PAM: variants seen among roughly 807,000 people sequenced by gnomAD.
PAM encodes the protein peptidylglycine alpha-amidating monooxygenase.
A neutral mutation model predicts 122.1 loss-of-function variants in PAM; 72 were observed. The observed-to-expected ratio is 0.59, with a 90% CI of 0.49 to 0.72. The LOEUF is 0.72. Ranked by LOEUF, PAM falls within the 30% of genes least tolerant of loss-of-function variation. PAM has a pLI of 0.00. For synonymous variants in PAM, 389 were observed against 404.4 expected, an observed-to-expected ratio of 0.96 and a Z score of 0.46; for missense variants, 1,106 against 1,183.7, an observed-to-expected ratio of 0.93 and a Z score of 0.96.
At chr5:102,766,411 CAT>C (rs1753960618) in intron 1 of PAM, among the ~76,000 whole-genome samples, 1 of 152,148 alleles carries the variant, frequency 6.6e-6, no homozygotes, top group Non-Finnish European at 1.5e-5. Flanking sequence ...AGATCCCTCT[CAT>C]GTGCAGTTGA....
chr5:102,951,388 C>G (rs1436239132), intron 12 of PAM, among the ~76,000 whole-genome samples: 1 of 151,916 alleles, frequency 6.6e-6, no homozygotes, highest in Non-Finnish European at 1.5e-5. Context: ...TTTCAAAGCA[C>G]TATGAACTCT....
chr5:102,779,132 T>C lies in PAM; in HGVS notation c.-374+23784T>C, dbSNP rs554393435. Among the ~76,000 whole-genome samples the C allele has an allele frequency of 2.0e-5, 3 of 152,082 alleles. No homozygotes were observed. In the South Asian group the frequency reaches 6.2e-4, roughly 32 times the overall value. ...GTGTCTCCTTTTTCATAGCATATGT[T>C]TTGCAGTGCCCTCTTTATTACCAAG... On this transcript the variant is annotated intron_variant, in intron 1 of 25. Coordinates refer to ENST00000438793, the MANE Select transcript of PAM (RefSeq NM_001177306.2).
At chr5:102,876,469 C>T (rs1281572901) in intron 3 of PAM, among the ~76,000 whole-genome samples, 1 of 152,152 alleles carries the variant, frequency 6.6e-6, no homozygotes, top group African/African-American at 2.4e-5. Flanking sequence ...CTATATAGCT[C>T]CTTCCAAAGC....
chr5:102,871,500 A>G (rs1787437397), intron 3 of PAM, among the ~76,000 whole-genome samples: 4 of 151,884 alleles, frequency 2.6e-5, no homozygotes. Context: ...TAAAGTACTC[A>G]AAGAAGTAAA....
chr5:102,817,453 T>A (rs1770271942), intron 1 of PAM, among the ~76,000 whole-genome samples: 1 of 152,162 alleles, frequency 6.6e-6, no homozygotes, highest in Admixed American at 6.5e-5. Context: ...ATTTCATTAA[T>A]AATTTTTATA....
intron 5 of PAM, among the ~76,000 whole-genome samples, chr5:102,922,066 G>C (rs935573018): frequency 1.9e-4 from 29 of 151,680 alleles, no homozygotes; most frequent in Non-Finnish European, 4.3e-4. Context: ...ATGAAGTTGA[G>C]AGTGCAATAC....
At chr5:102,795,829 C>T (rs905607082) in intron 1 of PAM, among the ~76,000 whole-genome samples, 6 of 152,102 alleles carry the variant, frequency 3.9e-5, no homozygotes, top group East Asian at 1.9e-4. Context: ...GTTTTGGGTG[C>T]GGAAAAGGGA....
At chr5:102,936,860 C>A (rs896532240) in intron 7 of PAM, among the ~76,000 whole-genome samples, 1 of 152,042 alleles carries the variant, frequency 6.6e-6, no homozygotes, top group Non-Finnish European at 1.5e-5. Context: ...TGACAACTGG[C>A]GCTCAAATTT....
chr5:102,757,675 AT>A, intron 1 of PAM, among the ~76,000 whole-genome samples: 1 of 152,168 alleles, frequency 6.6e-6, no homozygotes. Flanking sequence ...TTAATGTAAG[AT>A]TTTTAATAAG....
intron 1 of PAM, among the ~76,000 whole-genome samples, chr5:102,854,801 A>G (rs530522102): frequency 1.2e-3 from 178 of 152,366 alleles, no homozygotes; most frequent in African/African-American, 4.2e-3. Flanking sequence ...TCAGCATCAA[A>G]GAATTCTAAC....
chr5:103,002,095 G>C (rs1292697829), intron 16 of PAM, among the ~76,000 whole-genome samples: 3 of 151,678 alleles, frequency 2.0e-5, no homozygotes, highest in Non-Finnish European at 4.4e-5. Context: ...AAGATAACTT[G>C]GTTTCTTGTT....
At chr5:102,823,949 A>G (rs1167652304) in intron 1 of PAM, among the ~76,000 whole-genome samples, 1 of 152,144 alleles carries the variant, frequency 6.6e-6, no homozygotes, top group Non-Finnish European at 1.5e-5. Context: ...AAAATACTCA[A>G]AGTTTCATTA....
intron 14 of PAM, among the ~76,000 whole-genome samples, chr5:102,961,750 T>C (rs766284951): frequency 2.0e-5 from 3 of 151,874 alleles, no homozygotes; most frequent in Non-Finnish European, 4.4e-5. Flanking sequence ...CTGCAGAGTT[T>C]AAAAAAAGCA....
intron 15 of PAM, among the ~76,000 whole-genome samples, chr5:102,989,322 A>G (rs954134255): frequency 6.6e-6 from 1 of 152,066 alleles, no homozygotes; most frequent in Non-Finnish European, 1.5e-5. Context: ...TGGGCAACAC[A>G]GTGAGATGCC....
At chr5:103,022,796 G>A (rs145359088) in intron 23 of PAM, among the ~76,000 whole-genome samples, 4 of 152,086 alleles carry the variant, frequency 2.6e-5, no homozygotes, top group Non-Finnish European at 5.9e-5. Flanking sequence ...TTAGGATAAA[G>A]AGTGAAAGTG....
chr5:102,895,936 T>C (rs1796080072), intron 3 of PAM: 2 of 151,712 alleles, frequency 1.3e-5, no homozygotes, highest in South Asian at 4.1e-4. Flanking sequence ...ATGAAAAGCA[T>C]GAACCACTAG....
chr5:102,850,075 CTG>C (rs1163820838), intron 1 of PAM, among the ~76,000 whole-genome samples: 2 of 152,076 alleles, frequency 1.3e-5, no homozygotes, highest in Non-Finnish European at 2.9e-5. Flanking sequence ...TCCTGAAGAA[CTG>C]TGTCATGTAT....
chr5:102,838,886 A>C (rs1466491581), intron 1 of PAM, among the ~76,000 whole-genome samples: 1 of 152,198 alleles, frequency 6.6e-6, no homozygotes, highest in Admixed American at 6.5e-5. Context: ...ATTAACTAAT[A>C]TGTAATAAAT....
intron 1 of PAM, among the ~76,000 whole-genome samples, chr5:102,811,704 T>A (rs1767958655): frequency 6.6e-6 from 1 of 152,232 alleles, no homozygotes; most frequent in Non-Finnish European, 1.5e-5. Flanking sequence ...TTCACACATC[T>A]GATATTTTTG....
Sources: allele counts gnomAD v4.1 joint callset (sites outside exome capture counted in the v4.1 genomes callset), GRCh38; gene constraint gnomAD v4.1.1; transcripts MANE v1.5; gene names NCBI Gene and HGNC (gene_info 2026-07-23, HGNC 2026-07-21).